The following BIRC6 variants were observed in gnomAD, a reference collection of about 807,000 sequenced individuals.
BIRC6 encodes the protein baculoviral IAP repeat containing 6.
A neutral mutation model predicts 503.3 loss-of-function variants in BIRC6; 98 were observed. That is an observed-to-expected ratio of 0.19 (90% CI 0.17 to 0.23). The LOEUF is 0.23. BIRC6 is among the 10% of genes least tolerant of loss of function. BIRC6 has a pLI of 1.00. For synonymous variants in BIRC6, 2,240 were observed against 2,078.7 expected (o/e 1.08, Z -2.11); for missense variants, 5,360 against 5,806.0 (o/e 0.92, Z 2.50).
rs2048919052 is a variant in BIRC6 at position 32,469,669 on chromosome 2, T to G, written c.6347+55T>G. The G allele has an allele frequency of 6.3e-6, 9 of 1,422,834 alleles. No homozygotes were observed. The highest frequency in any genetic ancestry group is 7.7e-6 in the Non-Finnish European group (8 of 1,037,202). 88.1% of individuals were successfully genotyped at this position (1,422,834 alleles called of 1,614,324 possible). A position where few individuals can be genotyped will look rare whatever the true frequency, so the allele number is the denominator to read the frequency against. The stretch of plus-strand genomic sequence containing the variant: ...TATTAATGATGTGTACTTTTCACAG[T>G]TACTGGTTAGCTTTTGAAATCTTTG... On this transcript the variant is annotated intron_variant, in intron 30 of 73. Transcript: ENST00000421745.
chr2:32,550,496 T>A (rs1488841238), intron 65 of BIRC6, among the ~76,000 whole-genome samples: 2 of 152,158 alleles, frequency 1.3e-5, no homozygotes, highest in Non-Finnish European at 1.5e-5. Context: ...TGGTCTTTTT[T>A]AAAAAGTAGA....
intron 46 of BIRC6, among the ~76,000 whole-genome samples, chr2:32,500,893 C>T (rs62136310): frequency 6.6e-6 from 1 of 151,840 alleles, no homozygotes; most frequent in Non-Finnish European, 1.5e-5. Context: ...GTGTGAGCCA[C>T]TGCGCCCTGC....
intron 61 of BIRC6, among the ~76,000 whole-genome samples, chr2:32,533,825 C>T (rs2056975475): frequency 6.6e-6 from 1 of 152,046 alleles, no homozygotes; most frequent in Non-Finnish European, 1.5e-5. Context: ...GATTTTAGTC[C>T]CATAAGACCT....
At chr2:32,389,603 G>T (rs564543046) in intron 4 of BIRC6, among the ~76,000 whole-genome samples, 1 of 152,080 alleles carries the variant, frequency 6.6e-6, no homozygotes, top group Non-Finnish European at 1.5e-5. Flanking sequence ...GACGATTGAG[G>T]TTCTTACAAA....
chr2:32,543,469 C>T lies in BIRC6; in HGVS notation c.12520C>T (p.Leu4174=), dbSNP rs1360981733. 1 of 1,614,012 alleles carries T rather than the reference C, an allele frequency of 6.2e-7. No homozygotes were observed. ...FLRLPGYAEV[L]LKERKHAQCL... is the part of the protein sequence containing the mutation. ...TCGTCTTCCGGGCTATGCGGAAGTG[C>T]TACTGAAAGAGAGAAAACATGCCCA... Residue 4174 remains leucine, a synonymous_variant, in exon 62 of 74, where the codon CTA becomes TTA. Coordinates refer to ENST00000421745, the MANE Select transcript of BIRC6 (RefSeq NM_016252.4).
chr2:32,514,004 TC>T (rs10712027), intron 54 of BIRC6, among the ~76,000 whole-genome samples: 152,267 of 152,268 alleles, frequency 1, 76,133 homozygotes, highest in Non-Finnish European at 1. Flanking sequence ...CTGCAGAAGT[TC>T]GCCATGCTGC....
At chr2:32,377,319 G>A (rs1218466319) in intron 1 of BIRC6, among the ~76,000 whole-genome samples, 1 of 149,538 alleles carries the variant, frequency 6.7e-6, no homozygotes, top group African/African-American at 2.5e-5. Context: ...CTATACTGTT[G>A]CTGTGTTTAT....
rs1354094016 is a variant in BIRC6, at chr2:32,482,502, G to T, written c.7616G>T (p.Gly2539Val). 6.2e-7 allele frequency: 1 copy of T among 1,613,804 alleles called. No homozygotes were observed. Among genetic ancestry groups the T allele is most frequent in the Admixed American group, 1.7e-5 (1 of 59,996 alleles). The change falls in exon 39 of 74, where the codon GGT becomes GTT. Residue 2539 changes from glycine (G) to valine (V), a missense_variant. Physicochemically the swap from Gly to Val is moderately radical, Grantham distance 109. Transcript: ENST00000421745. Reference sequence around the variant, plus strand: ...TACAATTACAACCCTTACATTGGAGGTCTGGGAATTCCTGTAGCAAAGCCA... The same window carrying T: ...TACAATTACAACCCTTACATTGGAGTTCTGGGAATTCCTGTAGCAAAGCCA... ...GTYNYNPYIG[G>V]LGIPVAKPPA...
At chr2:32,447,214 C>G (rs2046089285) in intron 21 of BIRC6, among the ~76,000 whole-genome samples, 1 of 149,314 alleles carries the variant, frequency 6.7e-6, no homozygotes, top group Non-Finnish European at 1.5e-5. Flanking sequence ...TCCCGCCTTT[C>G]TATTCCACAA....
intron 3 of BIRC6, among the ~76,000 whole-genome samples, chr2:32,381,633 C>G (rs1384840993): frequency 6.6e-6 from 1 of 151,388 alleles, no homozygotes; most frequent in African/African-American, 2.4e-5. Flanking sequence ...GCAACCTCCG[C>G]CTCGTGGATT....
Position 32,607,622 on chromosome 2 carries a change from C to T in BIRC6, c.14238C>T (p.Asn4746=), listed in dbSNP as rs2062559257. 8 of 1,607,788 alleles carry T rather than the reference C, an allele frequency of 5.0e-6. No individual in the cohort carries two copies. Among genetic ancestry groups the T allele is most frequent in the Non-Finnish European group, 6.8e-6 (8 of 1,176,944 alleles). The stretch of plus-strand genomic sequence containing the variant: ...GGGCAATGCTAGAACAAATCAGAAA[C>T]CCTTCACCATGTTTTAAAGAGGTAT... ...VKWAMLEQIR[N]PSPCFKEVIH... The change falls in exon 72 of 74, where the codon AAC becomes AAT. Residue 4746 remains asparagine (N), a synonymous_variant. Coordinates refer to ENST00000421745, the MANE Select transcript of BIRC6 (RefSeq NM_016252.4).
Position 32,442,399 on chromosome 2 carries a change from T to C in BIRC6, c.4182T>C (p.Phe1394=), listed in dbSNP as rs766771075. ...FLSDIVRVCF[F]EAGRSIAHKC... ...CAGACATCGTACGTGTTTGCTTCTT[T>C]GAGGCAGGACGAAGTATAGCCCATA... is the stretch of plus-strand genomic sequence containing the variant. The change falls in exon 19 of 74, where the codon TTT becomes TTC. Residue 1394 remains phenylalanine (F), a synonymous_variant. Coordinates refer to ENST00000421745, the MANE Select transcript of BIRC6 (RefSeq NM_016252.4). 1.9e-6 allele frequency: 3 copies of C among 1,611,490 alleles called. No individual in the cohort carries two copies. The highest frequency in any genetic ancestry group is 2.2e-5 in the East Asian group (1 of 44,866).
chr2:32,536,089 C>G (rs776048292), intron 61 of BIRC6, among the ~76,000 whole-genome samples: 6 of 152,310 alleles, frequency 3.9e-5, no homozygotes, highest in Middle Eastern at 3.4e-3. Flanking sequence ...TGTCTTTTGG[C>G]TGCATAAATG....
chr2:32,508,859 C>T (rs949893237), intron 51 of BIRC6, among the ~76,000 whole-genome samples: 77 of 151,980 alleles, frequency 5.1e-4, no homozygotes, highest in African/African-American at 1.7e-3. Context: ...CCAAGGCGGG[C>T]GGATCACGAG....
At chr2:32,435,128 G>C (rs1374134544) in intron 13 of BIRC6, among the ~76,000 whole-genome samples, 2 of 152,122 alleles carry the variant, frequency 1.3e-5, no homozygotes, top group Non-Finnish European at 2.9e-5. Flanking sequence ...TATGTGTGCA[G>C]TCTTTTGACA....
At chr2:32,380,314 T>G in intron 3 of BIRC6, 24 bp downstream of exon 3, 1 of 1,571,254 alleles carries the variant, frequency 6.4e-7, no homozygotes. Flanking sequence ...AGATTGCCTC[T>G]TTTGGGGTTA....
At position 32,427,566 on chromosome 2, in the gene BIRC6, G is replaced by A. The variant is rs1188745681; in HGVS notation, c.2873-1580G>A. Among the ~76,000 whole-genome samples, 7 of 152,150 alleles carry A rather than the reference G, an allele frequency of 4.6e-5. No individual in the cohort carries two copies. In the East Asian group the frequency reaches 5.8e-4, roughly 13 times the overall value. Reference sequence around the variant, plus strand: ...CTCCCAAGGTGCTGGGATAACAGGCGTGAGCCACTGCTCCTGGCCTTTAAT... The same window carrying A: ...CTCCCAAGGTGCTGGGATAACAGGCATGAGCCACTGCTCCTGGCCTTTAAT... On this transcript the variant is annotated intron_variant, in intron 10 of 73. Coordinates refer to ENST00000421745, the MANE Select transcript of BIRC6 (RefSeq NM_016252.4).
chr2:32,606,550 A>G (rs1042444670), intron 71 of BIRC6, among the ~76,000 whole-genome samples: 14 of 152,154 alleles, frequency 9.2e-5, no homozygotes, highest in African/African-American at 3.4e-4. Context: ...CCAAGATTGT[A>G]CCATTGCACT....
chr2:32,505,258 T>C, intron 50 of BIRC6, 53 bp downstream of exon 50: 2 of 1,414,600 alleles, frequency 1.4e-6, no homozygotes, highest in South Asian at 1.2e-5. Context: ...AATTTAGAAA[T>C]ATTTGAAAAT....
Sources: gnomAD v4.1 joint callset for allele counts (sites outside exome capture counted in the v4.1 genomes callset) on GRCh38, gnomAD v4.1.1 for gene constraint, MANE v1.5 for transcripts, NCBI Gene and HGNC (gene_info 2026-07-23, HGNC 2026-07-21) for gene names.